ATP6V0A4: variants seen among roughly 807,000 people sequenced by gnomAD.
ATP6V0A4 encodes the protein V-type proton ATPase 116 kDa subunit a 4.
ATP6V0A4 carries 86 observed loss-of-function variants against 107.3 expected under a neutral mutation model. The observed-to-expected ratio is 0.80, with a 90% CI of 0.67 to 0.96. The LOEUF (loss-of-function observed/expected upper bound fraction) is 0.96, where lower values mean the gene tolerates loss of function less well. Ranked by LOEUF, ATP6V0A4 falls within the 40% of genes least tolerant of loss-of-function variation. The pLI is 0.00. For missense variants in ATP6V0A4, 908 were observed against 1,045.6 expected, an observed-to-expected ratio of 0.87 and a Z score of 1.81; for synonymous variants, 353 against 381.4, an observed-to-expected ratio of 0.93 and a Z score of 0.87.
chr7:138,734,435 T>A (rs1402717757), intron 15 of ATP6V0A4, 181 bp from the exon 16 acceptor site: 5 of 443,902 alleles, frequency 1.1e-5, no homozygotes, highest in Non-Finnish European at 1.5e-5. Flanking sequence ...AAACCCTTTA[T>A]AAATGCAACT....
intron 12 of ATP6V0A4, among the ~76,000 whole-genome samples, chr7:138,748,499 T>C (rs952999477): frequency 6.6e-6 from 1 of 152,120 alleles, no homozygotes; most frequent in Non-Finnish European, 1.5e-5. Flanking sequence ...CTCCGCCTCC[T>C]GGATTCAAGC....
At chr7:138,770,095 C>A (rs954351891) in intron 3 of ATP6V0A4, among the ~76,000 whole-genome samples, 2 of 151,910 alleles carry the variant, frequency 1.3e-5, no homozygotes, top group African/African-American at 4.8e-5. Flanking sequence ...AAATTTAAAA[C>A]TTTTGTGCAT....
At position 138,733,024 on chromosome 7, in the gene ATP6V0A4, A is replaced by T. The variant is rs1291390555; in HGVS notation, c.1761T>A (p.Phe587Leu). ...AAATGATCATGAAAACCAGGTATCC[A>T]AACAGACACAGGATAAAAATCATCT... is the stretch of plus-strand genomic sequence containing the variant. The part of the protein sequence containing the change: ...IPEMIFILCL[F>L]GYLVFMIIFK... Residue 587 changes from phenylalanine (F) to leucine (L), a missense_variant, in exon 17 of 22, where the codon TTT (phenylalanine) becomes TTA (leucine). Phe to Leu is a conservative substitution (Grantham distance 22, BLOSUM62 0). Coordinates refer to ENST00000310018, the MANE Select transcript of ATP6V0A4 (RefSeq NM_020632.3). 1.9e-6 allele frequency: 3 copies of T among 1,614,144 alleles called. No individual in the cohort carries two copies. The highest frequency in any genetic ancestry group is 2.2e-5 in the South Asian group (2 of 91,078).
rs1405284896 is a variant in ATP6V0A4 at position 138,745,156 on chromosome 7, C to T, written c.1445G>A (p.Ser482Asn). ...GCCGTTTCTGAACATGGGTTGGACA[C>T]TCCAAGAAGAGCCAAAGATGTTCAA... Reference protein sequence around the residue: ...KSLNIFGSSWSVQPMFRNGTW... With the variant: ...KSLNIFGSSWNVQPMFRNGTW... The change falls in exon 14 of 22, where the codon AGT (serine) becomes AAT (asparagine). Residue 482 changes from serine (S) to asparagine (N), a missense_variant. By Grantham distance (46) the Ser-to-Asn change is conservative. Transcript: ENST00000310018. The T allele has an allele frequency of 1.2e-6, 2 of 1,614,234 alleles. No homozygotes were observed. The highest frequency in any genetic ancestry group is 1.3e-5 in the African/African-American group (1 of 75,070).
Position 138,762,425 on chromosome 7 carries a change from T to C in ATP6V0A4, c.427A>G (p.Asn143Asp), listed in dbSNP as rs778873408. Reference sequence around the variant, plus strand: ...TCAGTAAAGAAATCATCAGCTAAATTGGTTTCCGTCTGAAAGTCAAAGCAC... The same window carrying C: ...TCAGTAAAGAAATCATCAGCTAAATCGGTTTCCGTCTGAAAGTCAAAGCAC... Reference protein sequence around the residue: ...KTQDFFETETNLADDFFTEDT... With the variant: ...KTQDFFETETDLADDFFTEDT... Residue 143 changes from asparagine (N) to aspartate (D), a missense_variant, in exon 7 of 22, where the codon AAT (asparagine) becomes GAT (aspartate). Coordinates refer to ENST00000310018, the MANE Select transcript of ATP6V0A4 (RefSeq NM_020632.3). 3.1e-5 allele frequency: 50 copies of C among 1,614,178 alleles called. No homozygotes were observed. The highest frequency in any genetic ancestry group is 2.1e-5 in the Non-Finnish European group (25 of 1,180,014).
At chr7:138,746,568 A>C (rs550397611) in intron 13 of ATP6V0A4, among the ~76,000 whole-genome samples, 5 of 151,814 alleles carry the variant, frequency 3.3e-5, no homozygotes, top group Non-Finnish European at 7.4e-5. Context: ...AAGTGGCGCA[A>C]TCTCAGCTCA....
At chr7:138,754,927 C>T (rs1253155159) in intron 10 of ATP6V0A4, among the ~76,000 whole-genome samples, 1 of 152,010 alleles carries the variant, frequency 6.6e-6, no homozygotes, top group African/African-American at 2.4e-5. Context: ...CGCACCCAGC[C>T]CTAAAATTTA....
chr7:138,730,177 C>G (rs1804920619), intron 17 of ATP6V0A4, among the ~76,000 whole-genome samples: 1 of 152,232 alleles, frequency 6.6e-6, no homozygotes. Flanking sequence ...AGCCGCCGCG[C>G]CTGGCCTCAC....
At chr7:138,795,257 T>C (rs1808603658) in intron 1 of ATP6V0A4, among the ~76,000 whole-genome samples, 1 of 152,182 alleles carries the variant, frequency 6.6e-6, no homozygotes, top group African/African-American at 2.4e-5. Context: ...AGGAGAATGT[T>C]TGTCCTACAA....
At chr7:138,754,091 C>T (rs1470640634) in intron 10 of ATP6V0A4, among the ~76,000 whole-genome samples, 1 of 152,100 alleles carries the variant, frequency 6.6e-6, no homozygotes, top group Non-Finnish European at 1.5e-5. Flanking sequence ...GGGGAAAGGA[C>T]TTCAATGGCT....
intron 18 of ATP6V0A4, 166 bp from the exon 19 acceptor site, chr7:138,722,191 C>G: frequency 1.5e-6 from 1 of 663,496 alleles, no homozygotes; most frequent in Non-Finnish European, 1.9e-6. Context: ...TATATAAGCA[C>G]AATTATCACC....
chr7:138,737,006 G>C (rs1805359054), intron 15 of ATP6V0A4, among the ~76,000 whole-genome samples: 1 of 150,918 alleles, frequency 6.6e-6, no homozygotes, highest in Non-Finnish European at 1.5e-5. Context: ...TAAGAGCCCA[G>C]GCTATGATGA....
At chr7:138,748,498 C>T (rs1270885679) in intron 12 of ATP6V0A4, among the ~76,000 whole-genome samples, 1 of 152,132 alleles carries the variant, frequency 6.6e-6, no homozygotes, top group Non-Finnish European at 1.5e-5. Flanking sequence ...TCTCCGCCTC[C>T]TGGATTCAAG....
At chr7:138,716,988 C>G (rs1367744346) in intron 19 of ATP6V0A4, among the ~76,000 whole-genome samples, 1 of 152,170 alleles carries the variant, frequency 6.6e-6, no homozygotes, top group Admixed American at 6.5e-5. Context: ...GCAGTGGTAT[C>G]GTGGGAACAC....
intron 19 of ATP6V0A4, among the ~76,000 whole-genome samples, chr7:138,717,344 G>A (rs962370978): frequency 2.0e-5 from 3 of 151,322 alleles, no homozygotes; most frequent in East Asian, 2.0e-4. Context: ...TCAAGAGATC[G>A]AGACCATCCT....
intron 7 of ATP6V0A4, among the ~76,000 whole-genome samples, chr7:138,760,789 T>C (rs1003727445): frequency 4.6e-5 from 7 of 152,162 alleles, no homozygotes; most frequent in Non-Finnish European, 8.8e-5. Flanking sequence ...CAAATATTTA[T>C]TGAATAAAAA....
At chr7:138,775,145 CT>C (rs60292725) in intron 2 of ATP6V0A4, among the ~76,000 whole-genome samples, 1 of 151,492 alleles carries the variant, frequency 6.6e-6, no homozygotes, top group African/African-American at 2.4e-5. Flanking sequence ...GAGGGGGGTG[CT>C]TTTTTTTAAC....
intron 8 of ATP6V0A4, among the ~76,000 whole-genome samples, chr7:138,757,965 T>C (rs927415094): frequency 2.6e-5 from 4 of 152,208 alleles, no homozygotes; most frequent in African/African-American, 9.7e-5. Flanking sequence ...CCAAAAGGTT[T>C]CTCTACCCGT....
At chr7:138,796,398 C>G (rs1370474216) in intron 1 of ATP6V0A4, among the ~76,000 whole-genome samples, 1 of 152,112 alleles carries the variant, frequency 6.6e-6, no homozygotes, top group African/African-American at 2.4e-5. Context: ...AAAAAAGTGC[C>G]TCCCCTGGGC....
Sources: gnomAD v4.1 joint callset for allele counts (sites outside exome capture counted in the v4.1 genomes callset) on GRCh38, gnomAD v4.1.1 for gene constraint, MANE v1.5 for transcripts, NCBI Gene and HGNC (gene_info 2026-07-23, HGNC 2026-07-21) for gene names.